The following HDAC5 variants were observed in gnomAD, a reference collection of about 807,000 sequenced individuals.
HDAC5 encodes histone deacetylase 5.
HDAC5 carries 25 observed loss-of-function variants against 133.3 expected under a neutral mutation model. That is an observed-to-expected ratio of 0.19 (90% confidence interval 0.14 to 0.26). The LOEUF (loss-of-function observed/expected upper bound fraction) is 0.26, where lower values mean the gene tolerates loss of function less well. Among genes scored for constraint, HDAC5 ranks in the 10% least tolerant of loss-of-function variants. HDAC5 has a pLI of 1.00. For missense variants in HDAC5, 1,041 were observed against 1,460.5 expected, an observed-to-expected ratio of 0.71 and a Z score of 4.68; for synonymous variants, 589 against 610.8, an observed-to-expected ratio of 0.96 and a Z score of 0.53.
intron 20 of HDAC5, among the ~76,000 whole-genome samples, chr17:44,081,235 C>T (rs962862858): frequency 6.6e-6 from 1 of 152,100 alleles, no homozygotes; most frequent in East Asian, 1.9e-4. Context: ...GAATTTAAAA[C>T]AGGCAGATGA....
rs759965457 is a variant in HDAC5 at position 44,086,592 on chromosome 17, A to G, written c.2030T>C (p.Val677Ala). 1 of 1,304,664 alleles carries G rather than the reference A, an allele frequency of 7.7e-7. No homozygotes were observed. The highest frequency in any genetic ancestry group is 9.8e-7 in the Non-Finnish European group (1 of 1,018,846). 80.8% of individuals were successfully genotyped at this position (1,304,664 alleles called of 1,614,324 possible). Residue 677 changes from valine to alanine, a missense_variant, in exon 14 of 27, where the codon GTC becomes GCC. Val to Ala is a moderately conservative substitution (Grantham distance 64). Coordinates refer to ENST00000682912, the MANE Select transcript of HDAC5 (RefSeq NM_005474.5). ...GGMKSPPDQP[V>A]KHLFTTGVVY... Reference sequence around the variant, plus strand: ...CTCACCTGTGGTGAAGAGGTGCTTGACGGGCTGGTCTGGGGGGCTCTTCAT... The same window carrying G: ...CTCACCTGTGGTGAAGAGGTGCTTGGCGGGCTGGTCTGGGGGGCTCTTCAT...
At chr17:44,096,964 C>T (rs992590907) in intron 3 of HDAC5, among the ~76,000 whole-genome samples, 2 of 152,186 alleles carry the variant, frequency 1.3e-5, no homozygotes, top group African/African-American at 4.8e-5. Context: ...TCAGGTGATC[C>T]ACCCGCCTCG....
intron 2 of HDAC5, chr17:44,111,182 A>C (rs1358805252): frequency 5.8e-6 from 2 of 342,056 alleles, no homozygotes; most frequent in East Asian, 1.4e-4. Context: ...GTTCCCTCCC[A>C]ACCCTGGGTG....
At chr17:44,079,803 T>C (rs1436760312) in intron 23 of HDAC5, among the ~76,000 whole-genome samples, 1 of 152,088 alleles carries the variant, frequency 6.6e-6, no homozygotes, top group Non-Finnish European at 1.5e-5. Context: ...ATTAACAGAC[T>C]GGCTGAAGAC....
chr17:44,090,636 A>T (rs1179851218), intron 11 of HDAC5, among the ~76,000 whole-genome samples: 2 of 151,616 alleles, frequency 1.3e-5, no homozygotes, highest in Non-Finnish European at 2.9e-5. Context: ...TGGCCTCCAA[A>T]GTGCCGGGCT....
chr17:44,108,755 AAAAAAAC>A (rs1296156272), intron 3 of HDAC5, among the ~76,000 whole-genome samples: 7 of 133,716 alleles, frequency 5.2e-5, no homozygotes, highest in African/African-American at 1.8e-4. Context: ...AGAGTCCAAA[AAAAAAAC>A]AAAAAAAAAA....
At chr17:44,080,665 C>T (rs188475660) in intron 21 of HDAC5, 98 bp downstream of exon 21, 6 of 1,556,676 alleles carry the variant, frequency 3.9e-6, no homozygotes, top group Middle Eastern at 1.7e-4. Context: ...TCCCCAGGTA[C>T]CAACACCACC....
intron 11 of HDAC5, 68 bp from the exon 12 acceptor site, chr17:44,088,666 C>A: frequency 6.5e-7 from 1 of 1,549,688 alleles, no homozygotes; most frequent in Non-Finnish European, 8.8e-7. Context: ...ACCGACCCTG[C>A]ATCTTGCCCC....
intron 3 of HDAC5, among the ~76,000 whole-genome samples, chr17:44,107,310 A>G (rs2052019480): frequency 1.3e-5 from 2 of 152,194 alleles, no homozygotes; most frequent in Admixed American, 1.3e-4. Context: ...ACACTGTCCT[A>G]AAACAGATAT....
chr17:44,097,913 T>C (rs920784570), intron 3 of HDAC5, among the ~76,000 whole-genome samples: 4 of 152,252 alleles, frequency 2.6e-5, no homozygotes, highest in African/African-American at 9.6e-5. Context: ...GCAGAGATGT[T>C]AGGCCCGGAG....
At position 44,123,582 on chromosome 17, in the gene HDAC5, G is replaced by A. The variant is rs1439145509; in HGVS notation, c.-268C>T. 6 of 399,726 alleles carry A rather than the reference G, an allele frequency of 1.5e-5. No individual in the cohort carries two copies. The highest frequency in any genetic ancestry group is 6.3e-4 in the Middle Eastern group (1 of 1,596). 24.8% of individuals were successfully genotyped at this position (399,726 alleles called of 1,614,324 possible). A position where few individuals can be genotyped will look rare whatever the true frequency, so the allele number is the denominator to read the frequency against. The stretch of plus-strand genomic sequence containing the variant: ...GCAGCGGCGGCAGCACCTCCTCGAC[G>A]GCTCCTCCATCTTTGCGGCGGCTCC... On this transcript the variant is annotated 5_prime_UTR_variant, in exon 1 of 27. Transcript: ENST00000682912.
At chr17:44,109,699 C>A (rs2052217694) in intron 3 of HDAC5, among the ~76,000 whole-genome samples, 1 of 152,256 alleles carries the variant, frequency 6.6e-6, no homozygotes, top group Non-Finnish European at 1.5e-5. Context: ...AAATCACAGG[C>A]ACCTGCAGAG....
intron 14 of HDAC5, 97 bp downstream of exon 14, chr17:44,086,475 G>A: frequency 9.1e-7 from 1 of 1,094,498 alleles, no homozygotes; most frequent in Non-Finnish European, 1.2e-6. Flanking sequence ...GGGTGCCTAA[G>A]GGGCCCCAGC....
intron 14 of HDAC5, among the ~76,000 whole-genome samples, chr17:44,086,102 C>A (rs1381908803): frequency 6.6e-6 from 1 of 152,222 alleles, no homozygotes. Flanking sequence ...CTGCACCCTT[C>A]TCACGGCACC....
At chr17:44,095,312 G>A (rs568264717) in intron 3 of HDAC5, among the ~76,000 whole-genome samples, 84 of 152,252 alleles carry the variant, frequency 5.5e-4, no homozygotes, top group African/African-American at 2.0e-3. Context: ...CACTGTGCCC[G>A]CTCCCATTTC....
chr17:44,080,071 GT>G, intron 23 of HDAC5, 35 bp downstream of exon 23: 1 of 1,441,414 alleles, frequency 6.9e-7, no homozygotes, highest in Non-Finnish European at 9.8e-7. Context: ...TATCCTCACT[GT>G]TTCACTTCCT....
intron 2 of HDAC5, 169 bp from the exon 3 acceptor site, chr17:44,110,969 C>T (rs559768455): frequency 9.6e-6 from 6 of 622,086 alleles, no homozygotes; most frequent in African/African-American, 1.8e-5. Context: ...AGGCCACTGC[C>T]GACGGGACCC....
chr17:44,106,415 C>A (rs1322755072), intron 3 of HDAC5, among the ~76,000 whole-genome samples: 4 of 152,304 alleles, frequency 2.6e-5, no homozygotes, highest in Admixed American at 6.5e-5. Context: ...TGTGGACGCG[C>A]ACTGACAGGC....
chr17:44,101,615 G>A (rs1027347364), intron 3 of HDAC5, among the ~76,000 whole-genome samples: 1 of 152,120 alleles, frequency 6.6e-6, no homozygotes, highest in Admixed American at 6.6e-5. Flanking sequence ...GAAAGTGAAA[G>A]GGACCTTGGA....
Sources: gnomAD v4.1 joint callset for allele counts (sites outside exome capture counted in the v4.1 genomes callset) on GRCh38, gnomAD v4.1.1 for gene constraint, MANE v1.5 for transcripts, NCBI Gene and HGNC (gene_info 2026-07-23, HGNC 2026-07-21) for gene names.